ZNF804A: variants seen among roughly 807,000 people sequenced by gnomAD.
The protein encoded by ZNF804A is zinc finger protein 804A.
A neutral mutation model predicts 16.5 loss-of-function variants in ZNF804A; 2 were observed. That is an observed-to-expected ratio of 0.12 (90% confidence interval 0.05 to 0.38). ZNF804A has a LOEUF of 0.38. Ranked by LOEUF, ZNF804A falls within the 10% of genes least tolerant of loss-of-function variation. ZNF804A has a pLI of 0.99. For synonymous variants in ZNF804A, 534 were observed against 489.6 expected (o/e 1.09, Z -1.20); for missense variants, 1,473 against 1,390.7 (o/e 1.06, Z -0.94).
At chr2:184,786,852 G>C (rs1694456118) in intron 1 of ZNF804A, among the ~76,000 whole-genome samples, 1 of 151,768 alleles carries the variant, frequency 6.6e-6, no homozygotes, top group Non-Finnish European at 1.5e-5. Context: ...TTAGAAATTT[G>C]ATTTACAGAA....
chr2:184,853,757 G>A (rs1453929361), intron 1 of ZNF804A, among the ~76,000 whole-genome samples: 2 of 151,446 alleles, frequency 1.3e-5, no homozygotes, highest in African/African-American at 4.8e-5. Context: ...ACTGATCTTG[G>A]TAAATAATGA....
At chr2:184,653,564 A>G (rs1019955474) in intron 1 of ZNF804A, among the ~76,000 whole-genome samples, 3 of 152,246 alleles carry the variant, frequency 2.0e-5, no homozygotes, top group Admixed American at 6.5e-5. Flanking sequence ...ACATTTGGAG[A>G]TCGAGTGCAG....
intron 2 of ZNF804A, among the ~76,000 whole-genome samples, chr2:184,876,659 A>T (rs180683288): frequency 1.2e-4 from 18 of 152,270 alleles, no homozygotes; most frequent in Admixed American, 1.1e-3. Flanking sequence ...TGTCTTGAGT[A>T]TGCACCAGAC....
chr2:184,905,630 A>C (rs1370966166), intron 2 of ZNF804A, among the ~76,000 whole-genome samples: 1 of 152,084 alleles, frequency 6.6e-6, no homozygotes, highest in African/African-American at 2.4e-5. Flanking sequence ...GCTATAATAT[A>C]TGTTTGTTTC....
chr2:184,640,565 A>G (rs1234062410), intron 1 of ZNF804A, among the ~76,000 whole-genome samples: 2 of 152,190 alleles, frequency 1.3e-5, no homozygotes, highest in African/African-American at 2.4e-5. Context: ...ACAGACCAAT[A>G]TTCCTTATTA....
At chr2:184,882,503 C>A (rs551836688) in intron 2 of ZNF804A, among the ~76,000 whole-genome samples, 6 of 152,020 alleles carry the variant, frequency 3.9e-5, no homozygotes, top group Non-Finnish European at 7.4e-5. Flanking sequence ...ACATTATATA[C>A]ATTCTTCTCA....
chr2:184,791,772 A>C (rs781242855), intron 1 of ZNF804A, among the ~76,000 whole-genome samples: 36 of 152,158 alleles, frequency 2.4e-4, no homozygotes, highest in Non-Finnish European at 4.7e-4. Flanking sequence ...AAATATATTA[A>C]TGACATGTAT....
intron 2 of ZNF804A, among the ~76,000 whole-genome samples, chr2:184,927,809 A>C (rs1047123265): frequency 2.6e-5 from 4 of 152,144 alleles, no homozygotes; most frequent in African/African-American, 4.8e-5. Flanking sequence ...TATTTCCTTA[A>C]GAGTCAAAAG....
intron 2 of ZNF804A, among the ~76,000 whole-genome samples, chr2:184,893,000 A>G (rs1326899009): frequency 6.6e-6 from 1 of 152,168 alleles, no homozygotes; most frequent in African/African-American, 2.4e-5. Context: ...TAAAAATAAT[A>G]TATCGTATTT....
chr2:184,728,652 G>C (rs952952380), intron 1 of ZNF804A, among the ~76,000 whole-genome samples: 9 of 151,796 alleles, frequency 5.9e-5, no homozygotes, highest in African/African-American at 2.2e-4. Flanking sequence ...ATAATTCTCT[G>C]ATTTCACTTG....
chr2:184,600,848 C>A (rs359896), intron 1 of ZNF804A, among the ~76,000 whole-genome samples: 1 of 152,160 alleles, frequency 6.6e-6, no homozygotes, highest in East Asian at 1.9e-4. Context: ...TCATGACTTA[C>A]ATTTGCAAAA....
At position 184,938,247 on chromosome 2, in the gene ZNF804A, C is replaced by T. The variant is rs1685827897; in HGVS notation, c.2851C>T (p.Pro951Ser). ...TATAAATCTTAATGAAAAGCAAATT[C>T]CTTTTCAGGTGCCTAATATTGAAAG... ...ENINLNEKQI[P>S]FQVPNIERNF... Residue 951 changes from proline to serine, a missense_variant, in exon 4 of 4, where the codon CCT (proline) becomes TCT (serine). Physicochemically the swap from Pro to Ser is moderately conservative, Grantham distance 74 (BLOSUM62 -1). Transcript: ENST00000302277. The T allele has an allele frequency of 1.2e-6, 2 of 1,614,010 alleles. No homozygotes were observed. Among genetic ancestry groups the T allele is most frequent in the Non-Finnish European group, 1.7e-6 (2 of 1,179,960 alleles).
At chr2:184,808,106 TAA>T (rs1694839260) in intron 1 of ZNF804A, among the ~76,000 whole-genome samples, 1 of 151,652 alleles carries the variant, frequency 6.6e-6, no homozygotes, top group Admixed American at 6.6e-5. Context: ...ACTGATAATA[TAA>T]GACTATTAGT....
chr2:184,792,368 T>C (rs1443577972), intron 1 of ZNF804A, among the ~76,000 whole-genome samples: 1 of 152,166 alleles, frequency 6.6e-6, no homozygotes, highest in African/African-American at 2.4e-5. Flanking sequence ...TTCTAATAGA[T>C]GTGTAGCAGT....
At chr2:184,922,968 T>C (rs1685553511) in intron 2 of ZNF804A, among the ~76,000 whole-genome samples, 1 of 152,106 alleles carries the variant, frequency 6.6e-6, no homozygotes, top group South Asian at 2.1e-4. Flanking sequence ...AGCTCTGTAT[T>C]ATAATTTAAG....
At position 184,937,127 on chromosome 2, in the gene ZNF804A, C is replaced by T; in HGVS notation, c.1731C>T (p.Tyr577=). The change falls in exon 4 of 4, where the codon TAC becomes TAT. Residue 577 remains tyrosine, a synonymous_variant. Transcript: ENST00000302277. ...QIKQDTLDEK[Y]NKIRLKETHE... ...AACAGGACACTCTAGATGAAAAATACAACAAAATAAGGTTGAAAGAGACCC... is the reference window on the plus strand; with the variant it reads ...AACAGGACACTCTAGATGAAAAATATAACAAAATAAGGTTGAAAGAGACCC... 6.2e-7 allele frequency: 1 copy of T among 1,603,162 alleles called. No homozygotes were observed. Among genetic ancestry groups the T allele is most frequent in the South Asian group, 1.1e-5 (1 of 89,074 alleles).
At chr2:184,799,916 A>T (rs915191641) in intron 1 of ZNF804A, among the ~76,000 whole-genome samples, 3 of 152,026 alleles carry the variant, frequency 2.0e-5, no homozygotes, top group African/African-American at 7.3e-5. Context: ...GTGTGGGGAG[A>T]ATTTGTAAGT....
intron 1 of ZNF804A, among the ~76,000 whole-genome samples, chr2:184,603,066 GCCTTGTTTCTGTAGGCTGC>G (rs1485788543): frequency 6.6e-6 from 1 of 152,074 alleles, no homozygotes; most frequent in East Asian, 1.9e-4. Context: ...GGACCTAAAT[GCCTTGTTTCTGTAGGCTGC>G]CCTGCATTTC....
intron 1 of ZNF804A, among the ~76,000 whole-genome samples, chr2:184,722,420 T>C (rs925479912): frequency 6.6e-6 from 1 of 152,012 alleles, no homozygotes; most frequent in South Asian, 2.1e-4. Context: ...ATCTAGGAAA[T>C]GTGAATACAT....
Sources: gnomAD v4.1 joint callset for allele counts (sites outside exome capture counted in the v4.1 genomes callset) on GRCh38, gnomAD v4.1.1 for gene constraint, MANE v1.5 for transcripts, NCBI Gene and HGNC (gene_info 2026-07-23, HGNC 2026-07-21) for gene names.